The following EYS variants were observed in gnomAD, a reference collection of about 807,000 sequenced individuals.
EYS encodes the protein protein eyes shut homolog.
Under a neutral mutation model 282.1 loss-of-function variants are expected in EYS, and 250 were observed. That is an observed-to-expected ratio of 0.89 (90% CI 0.80 to 0.98). The LOEUF (loss-of-function observed/expected upper bound fraction) is 0.98. Among genes scored for constraint, EYS ranks in the 50% least tolerant of loss-of-function variants. The pLI is 0.00. For synonymous variants in EYS, 1,355 were observed against 1,282.9 expected (o/e 1.06, Z -1.20); for missense variants, 4,016 against 3,709.0 (o/e 1.08, Z -2.15).
At chr6:64,593,392 T>G in intron 24 of EYS, 83 bp from the exon 25 acceptor site, 6 of 1,081,630 alleles carry the variant, frequency 5.5e-6, no homozygotes, top group Non-Finnish European at 8.0e-6. Flanking sequence ...TTGAGATCCA[T>G]TTGCATTTCC....
At chr6:65,278,921 G>C (rs1283453775) in intron 12 of EYS, among the ~76,000 whole-genome samples, 1 of 152,092 alleles carries the variant, frequency 6.6e-6, no homozygotes, top group Admixed American at 6.6e-5. Context: ...CAGCCCGGTG[G>C]CTCCTGCTTG....
chr6:64,687,850 T>C (rs1309542248), intron 22 of EYS, among the ~76,000 whole-genome samples: 1 of 152,192 alleles, frequency 6.6e-6, no homozygotes. Flanking sequence ...AGTCTGGTCC[T>C]GGAATTTTTT....
intron 29 of EYS, among the ~76,000 whole-genome samples, chr6:64,371,759 A>G (rs1371336326): frequency 6.6e-6 from 1 of 152,078 alleles, no homozygotes; most frequent in Non-Finnish European, 1.5e-5. Context: ...CTTTACCATT[A>G]TGTAAATGCA....
At chr6:65,140,558 T>G (rs2150208281) in intron 12 of EYS, among the ~76,000 whole-genome samples, 1 of 151,360 alleles carries the variant, frequency 6.6e-6, no homozygotes, top group East Asian at 2.0e-4. Context: ...ACAGGCAACC[T>G]ACAAAATGGG....
intron 31 of EYS, among the ~76,000 whole-genome samples, chr6:64,167,647 C>G (rs1241275701): frequency 6.6e-6 from 1 of 152,088 alleles, no homozygotes; most frequent in East Asian, 1.9e-4. Flanking sequence ...TACATACAGA[C>G]ACACACACCC....
At chr6:63,882,935 G>C (rs1161370384) in intron 35 of EYS, among the ~76,000 whole-genome samples, 1 of 152,090 alleles carries the variant, frequency 6.6e-6, no homozygotes, top group Non-Finnish European at 1.5e-5. Context: ...CTATACAGAG[G>C]CTAGATCATG....
chr6:65,067,354 A>G (rs1773777999), intron 12 of EYS, among the ~76,000 whole-genome samples: 3 of 152,100 alleles, frequency 2.0e-5, no homozygotes, highest in Non-Finnish European at 4.4e-5. Flanking sequence ...TCTAACACAA[A>G]CAGTAAAGGA....
intron 2 of EYS, among the ~76,000 whole-genome samples, chr6:65,631,570 C>T (rs1229639468): frequency 2.0e-5 from 3 of 152,026 alleles, no homozygotes; most frequent in Non-Finnish European, 4.4e-5. Flanking sequence ...TGTTTCTCTA[C>T]AACTTCATTA....
At position 63,999,109 on chromosome 6, in the gene EYS, T is replaced by A. The variant is rs1191528232; in HGVS notation, c.6800A>T (p.Gln2267Leu). The A allele has an allele frequency of 3.2e-6, 5 of 1,551,724 alleles. No homozygotes were observed. Among genetic ancestry groups the A allele is most frequent in the Non-Finnish European group, 4.4e-6 (5 of 1,146,854 alleles). Residue 2267 changes from glutamine to leucine, a missense_variant, in exon 34 of 43, where the codon CAG (glutamine) becomes CTG (leucine). By Grantham distance (113) the Gln-to-Leu change is moderately radical. Transcript: ENST00000503581. Reference sequence around the variant, plus strand: ...ATGGGAAATCTCTGTGTCTTTCTTCTGTACTGGAGGTTTTCCATCTGCAGT... The same window carrying A: ...ATGGGAAATCTCTGTGTCTTTCTTCAGTACTGGAGGTTTTCCATCTGCAGT... Reference protein sequence around the residue: ...EMTADGKPPVQKKDTEISHAS... With the variant: ...EMTADGKPPVLKKDTEISHAS...
At chr6:64,908,906 A>G (rs1420352162) in intron 16 of EYS, among the ~76,000 whole-genome samples, 2 of 152,152 alleles carry the variant, frequency 1.3e-5, no homozygotes, top group Non-Finnish European at 2.9e-5. Context: ...AAAGCGCACC[A>G]AACAGGAAGA....
At chr6:65,644,452 C>T (rs1227831295) in intron 1 of EYS, among the ~76,000 whole-genome samples, 10 of 152,070 alleles carry the variant, frequency 6.6e-5, no homozygotes, top group African/African-American at 2.4e-4. Context: ...TTGGTGTTTC[C>T]GTGGAAGAAG....
intron 5 of EYS, among the ~76,000 whole-genome samples, chr6:65,480,889 A>G (rs1399269114): frequency 1.3e-5 from 2 of 152,140 alleles, no homozygotes; most frequent in South Asian, 2.1e-4. Flanking sequence ...TCTCACTCAT[A>G]TGGGAGAACT....
intron 12 of EYS, among the ~76,000 whole-genome samples, chr6:65,237,517 A>G (rs2150273169): frequency 6.6e-6 from 1 of 152,254 alleles, no homozygotes; most frequent in South Asian, 2.1e-4. Context: ...ACAGTAGGAA[A>G]AACTGAAAAT....
chr6:63,869,887 T>A (rs924519267), intron 35 of EYS, among the ~76,000 whole-genome samples: 1 of 152,140 alleles, frequency 6.6e-6, no homozygotes, highest in African/African-American at 2.4e-5. Context: ...AATGAATGTA[T>A]CATTTCAGTG....
intron 5 of EYS, among the ~76,000 whole-genome samples, chr6:65,429,919 G>T (rs557676590): frequency 6.6e-6 from 1 of 152,036 alleles, no homozygotes; most frequent in East Asian, 1.9e-4. Context: ...AGTTTACTAC[G>T]CCAAGCAGTG....
chr6:64,761,510 C>A (rs1562176992), intron 22 of EYS, among the ~76,000 whole-genome samples: 1 of 152,092 alleles, frequency 6.6e-6, no homozygotes, highest in South Asian at 2.1e-4. Flanking sequence ...GAGATGGAGT[C>A]TCACTCTGTG....
At chr6:63,815,148 T>A (rs1039359645) in intron 36 of EYS, among the ~76,000 whole-genome samples, 2 of 152,240 alleles carry the variant, frequency 1.3e-5, no homozygotes, top group African/African-American at 4.8e-5. Context: ...TGCACTATTG[T>A]ATATTCTAAA....
intron 36 of EYS, among the ~76,000 whole-genome samples, chr6:63,830,798 G>C (rs1428505813): frequency 6.6e-6 from 1 of 152,212 alleles, no homozygotes; most frequent in Non-Finnish European, 1.5e-5. Context: ...AGGGAAAAAT[G>C]TTAAGGGCAG....
At chr6:64,901,499 A>G (rs1767662673) in intron 18 of EYS, among the ~76,000 whole-genome samples, 1 of 151,876 alleles carries the variant, frequency 6.6e-6, no homozygotes, top group Non-Finnish European at 1.5e-5. Flanking sequence ...CCCTGCTAAT[A>G]ATACAAAAAT....
Sources: gnomAD v4.1 joint callset for allele counts (sites outside exome capture counted in the v4.1 genomes callset) on GRCh38, gnomAD v4.1.1 for gene constraint, MANE v1.5 for transcripts, NCBI Gene and HGNC (gene_info 2026-07-23, HGNC 2026-07-21) for gene names.